The following DMD variants were observed in gnomAD, a reference collection of about 807,000 sequenced individuals.
DMD encodes dystrophin.
Under a neutral mutation model 330.1 loss-of-function variants are expected in DMD, and 63 were observed. The observed-to-expected ratio is 0.19, with a 90% confidence interval of 0.16 to 0.24. The LOEUF (loss-of-function observed/expected upper bound fraction) is 0.24. Among genes scored for constraint, DMD ranks in the 10% least tolerant of loss-of-function variants. DMD has a pLI of 1.00. For synonymous variants in DMD, 1,223 were observed against 959.8 expected (o/e 1.27, Z -5.07); for missense variants, 3,344 against 2,684.1 (o/e 1.25, Z -5.43).
chrX:33,052,129 T>C (rs773857725), intron 1 of DMD, among the ~76,000 whole-genome samples: 1 of 111,877 alleles, frequency 8.9e-6, no homozygotes, highest in Admixed American at 9.5e-5. Flanking sequence ...TTACAGCATT[T>C]CGAACACAAG....
chrX:33,264,153 C>T (rs2053004400), intron 1 of DMD, among the ~76,000 whole-genome samples: 1 of 111,203 alleles, frequency 9.0e-6, no homozygotes, highest in African/African-American at 3.3e-5. Flanking sequence ...GGATAAATTG[C>T]ACAAATATAC....
At chrX:32,536,284 A>C (rs998762642) in intron 17 of DMD, among the ~76,000 whole-genome samples, 1 of 102,651 alleles carries the variant, frequency 9.7e-6, no homozygotes, top group Non-Finnish European at 2.0e-5. Flanking sequence ...AAAAAAAAAA[A>C]AAAACACACA....
At chrX:32,784,631 C>G (rs2075195792) in intron 7 of DMD, among the ~76,000 whole-genome samples, 1 of 111,700 alleles carries the variant, frequency 9.0e-6, no homozygotes, top group South Asian at 3.6e-4. Flanking sequence ...CCAAAATCAT[C>G]TTATCGATTT....
At chrX:32,721,869 G>T (rs2147912869) in intron 7 of DMD, among the ~76,000 whole-genome samples, 1 of 108,462 alleles carries the variant, frequency 9.2e-6, no homozygotes, top group Non-Finnish European at 1.9e-5. Flanking sequence ...TTTGTGTACA[G>T]TATAAGACAA....
At chrX:31,409,049 C>T (rs1005846066) in intron 60 of DMD, among the ~76,000 whole-genome samples, 58 of 110,892 alleles carry the variant, frequency 5.2e-4, no homozygotes, top group African/African-American at 1.8e-3. Context: ...GGTTTTTGGT[C>T]CTTGTGATAG....
chrX:31,889,707 A>C (rs886617361), intron 47 of DMD, among the ~76,000 whole-genome samples: 1 of 104,924 alleles, frequency 9.5e-6, no homozygotes, highest in African/African-American at 3.5e-5. Flanking sequence ...GTGTTGTTAC[A>C]AATTAACCCC....
At chrX:31,371,751 G>C (rs748335043) in intron 60 of DMD, among the ~76,000 whole-genome samples, 1 of 111,682 alleles carries the variant, frequency 9.0e-6, no homozygotes, top group South Asian at 3.9e-4. Flanking sequence ...TGTTTGTTTG[G>C]ACATACAAGG....
chrX:31,357,616 A>G (rs1024694565), intron 60 of DMD, among the ~76,000 whole-genome samples: 4 of 111,118 alleles, frequency 3.6e-5, no homozygotes, highest in African/African-American at 1.3e-4. Flanking sequence ...TTAACCGAGG[A>G]AATCAACCCT....
chrX:32,554,912 A>AG lies in DMD; in HGVS notation c.1993-9579dup, dbSNP rs1475527227. Among the ~76,000 whole-genome samples, 2 of 49,475 alleles carry AG rather than the reference A, an allele frequency of 4.0e-5. 1 individual carries two copies. The highest frequency in any genetic ancestry group is 7.8e-5 in the Non-Finnish European group (2 of 25,741). The allele number at this position is 49,475 out of a possible 115,157, so 43.0% of individuals were successfully genotyped here. On this transcript the variant is annotated intron_variant, in intron 16 of 78. Transcript: ENST00000357033. ...AAGAAAGAAAGAAAGAAAGAAAGAA[A>AG]GAAAGAAAGAAAGAAAGAAAGAAAG...
At chrX:32,985,679 C>T (rs2092825903) in intron 2 of DMD, among the ~76,000 whole-genome samples, 1 of 111,979 alleles carries the variant, frequency 8.9e-6, no homozygotes, top group African/African-American at 3.2e-5. Flanking sequence ...AATAGGACAG[C>T]CCAGGGAGGC....
At chrX:32,076,086 A>AAGAGAGAG (rs1569540031) in intron 44 of DMD, among the ~76,000 whole-genome samples, 24 of 82,324 alleles carry the variant, frequency 2.9e-4, no homozygotes, top group African/African-American at 6.7e-4. Context: ...AAAAAAAAAA[A>AAGAGAGAG]AGAGAGAGAG....
intron 1 of DMD, among the ~76,000 whole-genome samples, chrX:33,247,596 C>A (rs764428185): frequency 3.7e-4 from 41 of 111,066 alleles, no homozygotes; most frequent in Non-Finnish European, 6.4e-4. Context: ...GTTATTTAAT[C>A]CCAAATTGGT....
chrX:31,734,331 C>A (rs890629937), intron 51 of DMD, among the ~76,000 whole-genome samples: 2 of 110,312 alleles, frequency 1.8e-5, no homozygotes, highest in Admixed American at 9.7e-5. Flanking sequence ...TCTTAAATAA[C>A]CTCAGCTCAG....
chrX:31,790,212 G>A (rs188705674), intron 50 of DMD, among the ~76,000 whole-genome samples: 3 of 111,648 alleles, frequency 2.7e-5, no homozygotes, highest in African/African-American at 9.7e-5. Context: ...GAGAAAGTAG[G>A]GTTAGTTTAC....
At chrX:31,196,754 G>A (rs1336936537) in intron 67 of DMD, among the ~76,000 whole-genome samples, 1 of 90,793 alleles carries the variant, frequency 1.1e-5, no homozygotes, top group Admixed American at 1.4e-4. Flanking sequence ...CTGGGAGGTG[G>A]AGGTTGCAGT....
At chrX:32,696,466 T>C (rs1354980469) in intron 9 of DMD, among the ~76,000 whole-genome samples, 1 of 112,088 alleles carries the variant, frequency 8.9e-6, no homozygotes, top group East Asian at 2.8e-4. Flanking sequence ...AGTGAATTTG[T>C]TGAATTATCT....
intron 1 of DMD, among the ~76,000 whole-genome samples, chrX:33,055,528 G>T (rs560592290): frequency 4.5e-5 from 5 of 111,689 alleles, no homozygotes; most frequent in Non-Finnish European, 7.5e-5. Flanking sequence ...ATGCCTGAAC[G>T]CAAGAAAAAA....
chrX:32,275,796 G>A (rs2097384050), intron 43 of DMD, among the ~76,000 whole-genome samples: 2 of 111,304 alleles, frequency 1.8e-5, no homozygotes, highest in Non-Finnish European at 3.8e-5. Context: ...AAAGTGAGAC[G>A]GAGTGGTGCA....
intron 21 of DMD, among the ~76,000 whole-genome samples, chrX:32,481,014 T>A (rs2148549726): frequency 9.1e-6 from 1 of 110,323 alleles, no homozygotes; most frequent in African/African-American, 3.3e-5. Flanking sequence ...TTAGGTCAAT[T>A]TCCTGAACTG....
Sources: allele counts gnomAD v4.1 joint callset (sites outside exome capture counted in the v4.1 genomes callset), GRCh38; gene constraint gnomAD v4.1.1; transcripts MANE v1.5; gene names NCBI Gene and HGNC (gene_info 2026-07-23, HGNC 2026-07-21).